PLXNA4: variants seen among roughly 807,000 people sequenced by gnomAD.
PLXNA4 encodes plexin A4.
A neutral mutation model predicts 191.8 loss-of-function variants in PLXNA4; 44 were observed. The observed-to-expected ratio is 0.23, with a 90% CI of 0.18 to 0.29. The LOEUF is 0.29. PLXNA4 is among the 10% of genes least tolerant of loss of function. PLXNA4 has a pLI of 1.00. For missense variants in PLXNA4, 1,800 were observed against 2,488.8 expected (o/e 0.72, Z 5.89); for synonymous variants, 1,082 against 1,009.5 (o/e 1.07, Z -1.36).
At chr7:132,190,177 T>A (rs540656593) in intron 14 of PLXNA4, among the ~76,000 whole-genome samples, 5 of 152,212 alleles carry the variant, frequency 3.3e-5, no homozygotes, top group Non-Finnish European at 7.3e-5. Flanking sequence ...CCACTTCAGA[T>A]CCACATGGAA....
At chr7:132,245,103 C>A (rs1584893222) in intron 4 of PLXNA4, among the ~76,000 whole-genome samples, 2 of 152,230 alleles carry the variant, frequency 1.3e-5, no homozygotes, top group African/African-American at 4.8e-5. Flanking sequence ...ATTAAAACCA[C>A]CCCACGCTGA....
intron 3 of PLXNA4, among the ~76,000 whole-genome samples, chr7:132,387,981 T>C (rs925943326): frequency 6.6e-6 from 1 of 152,108 alleles, no homozygotes; most frequent in East Asian, 1.9e-4. Context: ...TCCCGCGGCA[T>C]GTCTCTGCTT....
At chr7:132,319,876 C>T (rs1210087982) in intron 3 of PLXNA4, among the ~76,000 whole-genome samples, 1 of 152,248 alleles carries the variant, frequency 6.6e-6, no homozygotes, top group Admixed American at 6.5e-5. Context: ...CCACTTGCTT[C>T]CTTCCCAGTC....
At chr7:132,347,616 G>C (rs1287987866) in intron 3 of PLXNA4, among the ~76,000 whole-genome samples, 1 of 152,162 alleles carries the variant, frequency 6.6e-6, no homozygotes, top group East Asian at 1.9e-4. Flanking sequence ...CAAAAGGAGA[G>C]GCAGTCTGAG....
chr7:132,255,001 C>G (rs1799385515), intron 4 of PLXNA4, among the ~76,000 whole-genome samples: 1 of 151,974 alleles, frequency 6.6e-6, no homozygotes. Context: ...GGGGGGGTGG[C>G]CTGGGGGAAG....
rs1182794471 is a variant in PLXNA4, at chr7:132,564,000, CCTCCTCCTT to C, written c.-87+12413_-87+12421del. On this transcript the variant is annotated intron_variant, in intron 1 of 31. Coordinates refer to ENST00000321063, the MANE Select transcript of PLXNA4 (RefSeq NM_020911.2). Reference sequence around the variant, plus strand: ...TCCTCCTTCTCCTCCTCCTCCTTCTCCTCCTCCTTCTCCTCCTCCTTCTCCTCCTCCTTC... The same window carrying C: ...TCCTCCTTCTCCTCCTCCTCCTTCTCCTCCTCCTCCTTCTCCTCCTCCTTC... 9.9e-4 allele frequency among the ~76,000 whole-genome samples: 89 copies of C among 89,926 alleles called. 5 individuals carry two copies. The highest frequency in any genetic ancestry group is 3.8e-3 in the African/African-American group (85 of 22,194). The allele number at this position is 89,926 out of a possible 152,430, so 59.0% of individuals were successfully genotyped here.
chr7:132,558,473 T>C (rs569070087), intron 1 of PLXNA4, among the ~76,000 whole-genome samples: 1 of 152,356 alleles, frequency 6.6e-6, no homozygotes, highest in South Asian at 2.1e-4. Context: ...CACTCAATAA[T>C]GATTGCCAGA....
At chr7:132,321,485 C>T (rs1270474117) in intron 3 of PLXNA4, among the ~76,000 whole-genome samples, 1 of 151,970 alleles carries the variant, frequency 6.6e-6, no homozygotes, top group African/African-American at 2.4e-5. Context: ...AGGGAATGAG[C>T]AACTCCCATA....
rs190511657 is a variant in PLXNA4, at chr7:132,502,385, G to T, written c.1188+5121C>A. Among the ~76,000 whole-genome samples the T allele has an allele frequency of 2.4e-3, 360 of 152,334 alleles. 1 individual carries two copies. Among genetic ancestry groups the T allele is most frequent in the South Asian group, 5.2e-3 (25 of 4,818 alleles). On this transcript the variant is annotated intron_variant, in intron 2 of 31. Coordinates refer to ENST00000321063, the MANE Select transcript of PLXNA4 (RefSeq NM_020911.2). Reference sequence around the variant, plus strand: ...TTAAAAAGAAACAGCTCCATCTCCTGTGCCTGTGTGGCCCTTGTGGGACTA... The same window carrying T: ...TTAAAAAGAAACAGCTCCATCTCCTTTGCCTGTGTGGCCCTTGTGGGACTA...
chr7:132,371,326 C>G (rs1017775958), intron 3 of PLXNA4, among the ~76,000 whole-genome samples: 1 of 152,164 alleles, frequency 6.6e-6, no homozygotes, highest in Non-Finnish European at 1.5e-5. Context: ...CCAGGAGACC[C>G]TCTGAGATGG....
chr7:132,298,261 C>A (rs1408324808), intron 3 of PLXNA4, 39 bp from the exon 4 acceptor site: 1 of 1,579,268 alleles, frequency 6.3e-7, no homozygotes. Context: ...GAGTTCAGAT[C>A]CTGCACTGCC....
rs970027569 is a variant in PLXNA4 at position 132,457,356 on chromosome 7, A to G, written c.1371+31936T>C. ...TCATTACTGCTGAAAGTAAACAACAATTTGATGAAACACATCTTAAGTCAT... is the reference window on the plus strand; with the variant it reads ...TCATTACTGCTGAAAGTAAACAACAGTTTGATGAAACACATCTTAAGTCAT... On this transcript the variant is annotated intron_variant, in intron 3 of 31. Transcript: ENST00000321063. Among the ~76,000 whole-genome samples, 12 of 152,200 alleles carry G rather than the reference A, an allele frequency of 7.9e-5. 1 individual carries two copies. The highest frequency in any genetic ancestry group is 2.9e-4 in the African/African-American group (12 of 41,452).
chr7:132,172,928 C>A (rs1796336376), intron 21 of PLXNA4, among the ~76,000 whole-genome samples: 1 of 152,176 alleles, frequency 6.6e-6, no homozygotes, highest in Non-Finnish European at 1.5e-5. Context: ...AATGTTCAGA[C>A]ATAATTTCCC....
intron 3 of PLXNA4, among the ~76,000 whole-genome samples, chr7:132,430,671 T>C (rs1243212262): frequency 6.6e-6 from 1 of 152,170 alleles, no homozygotes; most frequent in African/African-American, 2.4e-5. Flanking sequence ...AGTAATAGCT[T>C]GAGTGCTAAC....
chr7:132,392,106 C>A (rs1056153454), intron 3 of PLXNA4, among the ~76,000 whole-genome samples: 7 of 150,072 alleles, frequency 4.7e-5, no homozygotes, highest in African/African-American at 1.7e-4. Flanking sequence ...CCAGCCTGGG[C>A]AACAAGAGTG....
chr7:132,394,712 G>C (rs1793675519), intron 3 of PLXNA4, among the ~76,000 whole-genome samples: 1 of 152,228 alleles, frequency 6.6e-6, no homozygotes, highest in African/African-American at 2.4e-5. Flanking sequence ...GAATGACCCA[G>C]GAAGAAATCA....
chr7:132,476,544 T>G (rs1221771006), intron 3 of PLXNA4, among the ~76,000 whole-genome samples: 2 of 152,228 alleles, frequency 1.3e-5, no homozygotes, highest in Non-Finnish European at 2.9e-5. Flanking sequence ...CAGGGAACCC[T>G]GATACGGAGG....
At chr7:132,349,124 C>T (rs1803375159) in intron 3 of PLXNA4, among the ~76,000 whole-genome samples, 1 of 152,116 alleles carries the variant, frequency 6.6e-6, no homozygotes, top group Admixed American at 6.5e-5. Context: ...AGTAAAGGAC[C>T]ACATGTTTGA....
At position 132,591,053 on chromosome 7, in the gene PLXNA4, G is replaced by A. The variant is rs191212045; in HGVS notation, c.-87+54875C>T. On this transcript the variant is annotated intron_variant, in intron 2 of 4. Transcript: ENST00000378539. ...CTGATTGGCCAGAATTGGGTCATGT[G>A]GACACTCCAAGCTGCAAGGGAGGCT... Among the ~76,000 whole-genome samples, 4 of 152,222 alleles carry A rather than the reference G, an allele frequency of 2.6e-5. No individual in the cohort carries two copies. The East Asian group carries it at 7.7e-4, about 29-fold the overall frequency.
Sources: gnomAD v4.1 joint callset for allele counts (sites outside exome capture counted in the v4.1 genomes callset) on GRCh38, gnomAD v4.1.1 for gene constraint, MANE v1.5 for transcripts, NCBI Gene and HGNC (gene_info 2026-07-23, HGNC 2026-07-21) for gene names.